The following MROH2A variants were observed in gnomAD, a reference collection of about 807,000 sequenced individuals.
MROH2A encodes the protein maestro heat like repeat family member 2A, also known as maestro heat-like repeat-containing protein family member 2A.
MROH2A carries 174 observed loss-of-function variants against 200.4 expected under a neutral mutation model. That is an observed-to-expected ratio of 0.87 (90% CI 0.77 to 0.98). MROH2A has a LOEUF of 0.98. Ranked by LOEUF, MROH2A falls within the 50% of genes least tolerant of loss-of-function variation. The probability of loss-of-function intolerance (pLI) is 0.00; values close to 1 mark genes in which losing one functional copy is unlikely to be tolerated. For synonymous variants in MROH2A, 829 were observed against 840.4 expected (o/e 0.99, Z 0.23); for missense variants, 2,045 against 2,139.6 (o/e 0.96, Z 0.87).
In MROH2A at chr2:233,802,262, A is replaced by G. The variant is rs1358348270; in HGVS notation, c.1655A>G (p.His552Arg). Residue 552 changes from histidine to arginine, a missense_variant, in exon 15 of 42, where the codon CAC becomes CGC. By Grantham distance (29) the His-to-Arg change is conservative. This residue lies in a region of MROH2A where 831 missense variants were observed against 800.0 expected (regional missense o/e 1.04). Transcript: ENST00000389758. ...ATCAGCCTCACAAACCTGGCAGAAC[A>G]CCAGCTCCATGGCCAGGATGTGGAT... The part of the protein sequence containing the change: ...ICISLTNLAE[H>R]QLHGQDVDVS... 1.3e-6 allele frequency: 2 copies of G among 1,550,384 alleles called. No individual in the cohort carries two copies. The highest frequency in any genetic ancestry group is 8.7e-7 in the Non-Finnish European group (1 of 1,146,902).
At position 233,829,696 on chromosome 2, in the gene MROH2A, A is replaced by AT; in HGVS notation, c.4526dup (p.Phe1510LeufsTer51). On this transcript the variant is annotated frameshift_variant, in exon 38 of 42. Coordinates refer to ENST00000389758, the MANE Select transcript of MROH2A (RefSeq NM_001394639.1). LOFTEE classifies it high-confidence loss of function. ...AGGGTGGTCGGGATGTCCAAGAAGC[A>AT]TTTCTTCAAAGGGGAGGTGAAGAAG... The AT allele has an allele frequency of 6.7e-7, 1 of 1,496,540 alleles. No homozygotes were observed. The highest frequency in any genetic ancestry group is 8.9e-7 in the Non-Finnish European group (1 of 1,120,326). 92.7% of individuals were successfully genotyped at this position (1,496,540 alleles called of 1,614,324 possible). A position where few individuals can be genotyped will look rare whatever the true frequency, so the allele number is the denominator to read the frequency against.
At chr2:233,813,558 A>T (rs565338240) in intron 24 of MROH2A, 112 bp from the exon 25 acceptor site, 28 of 645,600 alleles carry the variant, frequency 4.3e-5, no homozygotes, top group Non-Finnish European at 7.2e-5. Context: ...CAACTGGAGA[A>T]GTAGGCCTCT....
At chr2:233,796,719 T>A (rs552189460) in intron 11 of MROH2A, among the ~76,000 whole-genome samples, 22 of 152,192 alleles carry the variant, frequency 1.4e-4, no homozygotes, top group Non-Finnish European at 2.6e-4. Context: ...AGAACCCCTG[T>A]CCCTAACCAA....
At position 233,822,957 on chromosome 2, in the gene MROH2A, G is replaced by A. The variant is rs976962853; in HGVS notation, c.3943G>A (p.Ala1315Thr). 6.4e-7 allele frequency: 1 copy of A among 1,550,644 alleles called. No homozygotes were observed. Among genetic ancestry groups the A allele is most frequent in the African/African-American group, 1.4e-5 (1 of 73,192 alleles). The change falls in exon 34 of 42, where the codon GCA becomes ACA. Residue 1315 changes from alanine (A) to threonine (T), a missense_variant. By Grantham distance (58) the Ala-to-Thr change is moderately conservative. Transcript: ENST00000389758. ...QHLAHTLDEQ[A>T]VWDLLQDGGT... is the part of the protein sequence containing the mutation. Reference sequence around the variant, plus strand: ...CCTGGCACATACCCTGGACGAGCAGGCAGTGTGGGACCTCCTGCAGGACGG... The same window carrying A: ...CCTGGCACATACCCTGGACGAGCAGACAGTGTGGGACCTCCTGCAGGACGG...
chr2:233,794,977 A>G (rs1025973638), intron 8 of MROH2A, among the ~76,000 whole-genome samples: 2 of 151,960 alleles, frequency 1.3e-5, no homozygotes, highest in African/African-American at 4.8e-5. Context: ...CATCACTCCA[A>G]TTTCTCCCTT....
intron 8 of MROH2A, among the ~76,000 whole-genome samples, chr2:233,795,348 T>G (rs1702035683): frequency 6.6e-6 from 1 of 152,170 alleles, no homozygotes; most frequent in Non-Finnish European, 1.5e-5. Flanking sequence ...TTAGGAGCCA[T>G]CTGTAGATCA....
intron 2 of MROH2A, 33 bp downstream of exon 2, chr2:233,779,485 C>G: frequency 2.0e-6 from 3 of 1,498,740 alleles, no homozygotes; most frequent in Non-Finnish European, 2.7e-6. Flanking sequence ...TGCTTTCCTG[C>G]CCCATCTCAG....
chr2:233,819,802 A>G, intron 30 of MROH2A, 100 bp from the exon 31 acceptor site: 1 of 1,331,348 alleles, frequency 7.5e-7, no homozygotes. Context: ...CCCATTGTCC[A>G]ACTGGGCCAG....
In MROH2A at chr2:233,809,189, GCCTCCT is replaced by G; in HGVS notation, c.2360_2365del (p.Ala787_Tyr789delinsAsp). The G allele has an allele frequency of 6.4e-7, 1 of 1,550,508 alleles. No homozygotes were observed. The highest frequency in any genetic ancestry group is 8.7e-7 in the Non-Finnish European group (1 of 1,146,954). ...CCTCATGGTGATGTATAGCTGCGTG[GCCTCCT>G]ACTGCCACCCCCAGTTGCTCCTCAA... is the stretch of plus-strand genomic sequence containing the variant. On this transcript the variant is annotated inframe_deletion, in exon 22 of 42. Coordinates refer to ENST00000389758, the MANE Select transcript of MROH2A (RefSeq NM_001394639.1).
upstream of MROH2A, among the ~76,000 whole-genome samples, chr2:233,777,964 C>T (rs1700758275): frequency 6.6e-6 from 1 of 152,100 alleles, no homozygotes; most frequent in Non-Finnish European, 1.5e-5. Flanking sequence ...TCATCCAGTC[C>T]CCGGGAAGGA....
At chr2:233,799,636 G>C in intron 12 of MROH2A, 144 bp from the exon 13 acceptor site, 1 of 1,032,794 alleles carries the variant, frequency 9.7e-7, no homozygotes, top group East Asian at 2.6e-5. Flanking sequence ...GCAGGGGGAG[G>C]TGGACAGAGT....
In MROH2A at chr2:233,831,490, G is replaced by T; in HGVS notation, c.4684G>T (p.Ala1562Ser). 1.3e-6 allele frequency: 2 copies of T among 1,550,292 alleles called. No individual in the cohort carries two copies. Among genetic ancestry groups the T allele is most frequent in the Non-Finnish European group, 1.7e-6 (2 of 1,146,898 alleles). Residue 1562 changes from alanine to serine, a missense_variant, in exon 39 of 42, where the codon GCT becomes TCT. Transcript: ENST00000389758. ...LEHPSGPSDT[A>S]TDDKMTVFQT... Reference sequence around the variant, plus strand: ...GCATCCCTCAGGGCCAAGTGATACCGCTACTGATGACAAGATGACCGTTTT... The same window carrying T: ...GCATCCCTCAGGGCCAAGTGATACCTCTACTGATGACAAGATGACCGTTTT...
intron 31 of MROH2A, among the ~76,000 whole-genome samples, 167 bp from the exon 32 acceptor site, chr2:233,821,957 G>C (rs571033976): frequency 5.4e-4 from 83 of 152,302 alleles, no homozygotes; most frequent in Non-Finnish European, 8.5e-4. Flanking sequence ...AGTGTCAGGG[G>C]CCTGGGTTCT....
intron 38 of MROH2A, among the ~76,000 whole-genome samples, 200 bp downstream of exon 38, chr2:233,829,975 A>T (rs1233279657): frequency 6.6e-6 from 1 of 152,092 alleles, no homozygotes; most frequent in Non-Finnish European, 1.5e-5. Flanking sequence ...ATCCGAGATG[A>T]CCTGCAAAGC....
chr2:233,814,519 G>GC, intron 25 of MROH2A, 63 bp from the exon 26 acceptor site: 2 of 1,226,890 alleles, frequency 1.6e-6, no homozygotes, highest in African/African-American at 1.5e-5. Flanking sequence ...TGAACTCCCT[G>GC]CAGGGAGGGG....
chr2:233,804,446 G>A (rs1702665905), intron 17 of MROH2A, 49 bp from the exon 18 acceptor site: 4 of 1,542,856 alleles, frequency 2.6e-6, no homozygotes, highest in South Asian at 1.2e-5. Context: ...CAGGCTTAGG[G>A]GAGCAGTGGA....
intron 31 of MROH2A, among the ~76,000 whole-genome samples, chr2:233,821,915 G>A (rs1243593753): frequency 6.6e-6 from 1 of 152,136 alleles, no homozygotes; most frequent in Non-Finnish European, 1.5e-5. Context: ...CAAAGGTACC[G>A]TGAGCCCGTG....
Position 233,779,840 on chromosome 2 carries a change from G to A in MROH2A, c.264G>A (p.Leu88=). The A allele has an allele frequency of 6.5e-7, 1 of 1,549,868 alleles. No homozygotes were observed. The highest frequency in any genetic ancestry group is 8.7e-7 in the Non-Finnish European group (1 of 1,146,820). ...TGATAAACACTCTCATCCGCTGCCTGCAGGTGCCAGAGGTAGGGCCATCTT... is the reference window on the plus strand; with the variant it reads ...TGATAAACACTCTCATCCGCTGCCTACAGGTGCCAGAGGTAGGGCCATCTT... ...SVVINTLIRC[L]QVPEISTQRK... The change falls in exon 3 of 42, where the codon CTG becomes CTA. Residue 88 remains leucine (L), a synonymous_variant. Coordinates refer to ENST00000389758, the MANE Select transcript of MROH2A (RefSeq NM_001394639.1).
rs1704417731 is a variant in MROH2A, at chr2:233,827,811, G to T, written c.4114-819G>T. 2.6e-5 allele frequency among the ~76,000 whole-genome samples: 3 copies of T among 117,336 alleles called. No homozygotes were observed. In the South Asian group the frequency reaches 1.0e-3, roughly 41 times the overall value. The allele number at this position is 117,336 out of a possible 152,430, so 77.0% of individuals were successfully genotyped here. ...AATTTGATAGGGATGGATTATAAAT[G>T]ATTTTTTTTTAATGCTTGCTGACAA... On this transcript the variant is annotated intron_variant, in intron 35 of 41. Coordinates refer to ENST00000389758, the MANE Select transcript of MROH2A (RefSeq NM_001394639.1).
Sources: allele counts gnomAD v4.1 joint callset (sites outside exome capture counted in the v4.1 genomes callset), GRCh38; gene constraint gnomAD v4.1.1; regional missense constraint gnomAD v4.1.1; transcripts MANE v1.5; gene names NCBI Gene and HGNC (gene_info 2026-07-23, HGNC 2026-07-21).